Variants in CETP observed in about 807,000 individuals in gnomAD.
CETP encodes BPI fold containing family F.
A neutral mutation model predicts 66.5 loss-of-function variants in CETP; 56 were observed. The observed-to-expected ratio is 0.84, with a 90% CI of 0.68 to 1.05. CETP has a LOEUF of 1.05. Among genes scored for constraint, CETP ranks in the 50% least tolerant of loss-of-function variants. The pLI, the probability that CETP is intolerant of heterozygous loss-of-function variation, is 0.00. For synonymous variants in CETP, 251 were observed against 245.7 expected, an observed-to-expected ratio of 1.02 and a Z score of -0.20; for missense variants, 612 against 609.6, an observed-to-expected ratio of 1.00 and a Z score of -0.04.
At chr16:56,973,180 G>A in intron 8 of CETP, 151 bp from the exon 9 acceptor site, 1 of 774,500 alleles carries the variant, frequency 1.3e-6, no homozygotes, top group Non-Finnish European at 2.1e-6. Context: ...ATGAGTGAAA[G>A]CCCCGCTGGG....
intron 2 of CETP, among the ~76,000 whole-genome samples, chr16:56,963,891 A>T (rs554214468): frequency 6.6e-6 from 1 of 151,426 alleles, no homozygotes; most frequent in Admixed American, 6.6e-5. Context: ...CTGGTCTCCA[A>T]CTCCTGACCT....
intron 10 of CETP, among the ~76,000 whole-genome samples, chr16:56,975,453 C>T (rs1461160906): frequency 6.6e-6 from 1 of 152,200 alleles, no homozygotes; most frequent in Non-Finnish European, 1.5e-5. Context: ...GGCTCCATTC[C>T]CTGCTCCATT....
chr16:56,979,855 A>G (rs2056175925), intron 11 of CETP, among the ~76,000 whole-genome samples: 2 of 152,190 alleles, frequency 1.3e-5, no homozygotes, highest in African/African-American at 4.8e-5. Flanking sequence ...ATACAATCAC[A>G]TTGTGGAAAA....
intron 2 of CETP, among the ~76,000 whole-genome samples, chr16:56,967,752 T>G (rs1420597455): frequency 2.0e-5 from 3 of 151,854 alleles, no homozygotes; most frequent in Non-Finnish European, 2.9e-5. Flanking sequence ...ATTAGAGCAT[T>G]TAGAATAATG....
At chr16:56,963,470 A>G (rs769557471) in intron 2 of CETP, among the ~76,000 whole-genome samples, 15 of 152,120 alleles carry the variant, frequency 9.9e-5, no homozygotes, top group Non-Finnish European at 1.5e-4. Flanking sequence ...AAAATGTATA[A>G]ATGTTGTTTT....
chr16:56,969,876 C>CGGAG, intron 4 of CETP, 38 bp from the exon 5 acceptor site: 1 of 1,603,752 alleles, frequency 6.2e-7, no homozygotes, highest in Non-Finnish European at 8.5e-7. Flanking sequence ...CATCTGATAG[C>CGGAG]GGAGGCTGCC....
At position 56,962,275 on chromosome 16, in the gene CETP, G is replaced by A. The variant is rs768121084; in HGVS notation, c.118+178G>A. The A allele has an allele frequency of 3.1e-5, 23 of 740,762 alleles. No individual in the cohort carries two copies. In the Admixed American group the frequency reaches 3.3e-4, roughly 10 times the overall value. 45.9% of individuals were successfully genotyped at this position (740,762 alleles called of 1,614,324 possible). On this transcript the variant is annotated intron_variant, in intron 1 of 15. Coordinates refer to ENST00000200676, the MANE Select transcript of CETP (RefSeq NM_000078.3). ...GCTGTCATCACCCCCTCCTGACCTC[G>A]CCTTCAAGGTCAAGTTCTTTGGTGA...
chr16:56,982,110 T>G (rs1173219183), intron 13 of CETP, 55 bp from the exon 14 acceptor site: 1 of 1,531,006 alleles, frequency 6.5e-7, no homozygotes, highest in East Asian at 2.3e-5. Context: ...AGCATCTGCC[T>G]TGTGGGTCAC....
intron 7 of CETP, 112 bp downstream of exon 7, chr16:56,971,493 C>A (rs2056110119): frequency 2.2e-6 from 2 of 927,118 alleles, no homozygotes; most frequent in Non-Finnish European, 3.5e-6. Flanking sequence ...GTCCCATGGG[C>A]TCTATCTGGC....
rs745717730 is a variant in CETP, at chr16:56,978,106, C to T, written c.997C>T (p.Pro333Ser). ...EIFQEVVGGF[P>S]SQAQVTVHCL... ...TCTTCCACAGGTTGTCGGCGGCTTC[C>T]CCAGCCAGGCCCAAGTCACCGTCCA... is the stretch of plus-strand genomic sequence containing the variant. The change falls in exon 11 of 16, where the codon CCC becomes TCC. Residue 333 changes from proline (P) to serine (S), a missense_variant. By Grantham distance (74) the Pro-to-Ser change is moderately conservative (BLOSUM62 -1). Transcript: ENST00000200676. 6.2e-7 allele frequency: 1 copy of T among 1,614,202 alleles called. No individual in the cohort carries two copies. Among genetic ancestry groups the T allele is most frequent in the South Asian group, 1.1e-5 (1 of 91,084 alleles).
At chr16:56,982,074 A>G in intron 13 of CETP, 91 bp from the exon 14 acceptor site, 1 of 1,192,172 alleles carries the variant, frequency 8.4e-7, no homozygotes, top group Non-Finnish European at 1.3e-6. Flanking sequence ...GATGGGCATG[A>G]GGATGAATGC....
At chr16:56,972,402 G>A (rs528990985) in intron 8 of CETP, among the ~76,000 whole-genome samples, 1 of 152,294 alleles carries the variant, frequency 6.6e-6, no homozygotes, top group East Asian at 1.9e-4. Context: ...CCCCCAGGGG[G>A]TACTGACAAA....
In CETP at chr16:56,974,025, G is replaced by A. The variant is rs58058958; in HGVS notation, c.930+515G>A. Reference sequence around the variant, plus strand: ...GATAACATAACTGGTTAGGTCAGGGGTCCATCTTTAACTACCAGGCTTAGG... The same window carrying A: ...GATAACATAACTGGTTAGGTCAGGGATCCATCTTTAACTACCAGGCTTAGG... On this transcript the variant is annotated intron_variant, in intron 9 of 15. Coordinates refer to ENST00000200676, the MANE Select transcript of CETP (RefSeq NM_000078.3). Among the ~76,000 whole-genome samples, 19 of 152,316 alleles carry A rather than the reference G, an allele frequency of 1.2e-4. No homozygotes were observed. The East Asian group carries it at 3.5e-3, about 28-fold the overall frequency.
chr16:56,981,168 C>T lies in CETP; in HGVS notation c.1157C>T (p.Thr386Ile). The change falls in exon 12 of 16, where the codon ACT becomes ATT. Residue 386 changes from threonine (T) to isoleucine (I), a missense_variant. Transcript: ENST00000200676. The part of the protein sequence containing the change: ...VAYTFEEDIV[T>I]TVQASYSKKK... ...GGTTTCTCTCCCCAGGATATCGTGACTACCGTCCAGGCCTCCTATTCTAAG... is the reference window on the plus strand; with the variant it reads ...GGTTTCTCTCCCCAGGATATCGTGATTACCGTCCAGGCCTCCTATTCTAAG... 3 of 1,613,500 alleles carry T rather than the reference C, an allele frequency of 1.9e-6. No individual in the cohort carries two copies. The highest frequency in any genetic ancestry group is 1.6e-4 in the Middle Eastern group (1 of 6,062).
chr16:56,963,042 G>A lies in CETP; in HGVS notation c.151G>A (p.Ala51Thr), dbSNP rs549487844. Residue 51 changes from alanine (A) to threonine (T), a missense_variant, in exon 2 of 16, where the codon GCC (alanine) becomes ACC (threonine). By Grantham distance (58) the Ala-to-Thr change is moderately conservative. Transcript: ENST00000200676. ...CGAGACTGCCAAGGTGATCCAGACC[G>A]CCTTCCAGCGAGCCAGCTACCCAGA... Reference protein sequence around the residue: ...NHETAKVIQTAFQRASYPDIT... With the variant: ...NHETAKVIQTTFQRASYPDIT... The A allele has an allele frequency of 8.7e-6, 14 of 1,614,126 alleles. No homozygotes were observed. Among genetic ancestry groups the A allele is most frequent in the African/African-American group, 5.3e-5 (4 of 75,046 alleles).
intron 11 of CETP, among the ~76,000 whole-genome samples, chr16:56,979,449 T>G (rs1192992813): frequency 2.0e-5 from 3 of 152,230 alleles, no homozygotes; most frequent in Non-Finnish European, 4.4e-5. Flanking sequence ...AGATCCTGTT[T>G]GATTTTATAA....
intron 10 of CETP, among the ~76,000 whole-genome samples, chr16:56,976,657 C>G (rs1277871793): frequency 1.3e-5 from 2 of 151,926 alleles, no homozygotes; most frequent in Non-Finnish European, 2.9e-5. Flanking sequence ...TCATCACTCT[C>G]TCTTCCATGA....
Position 56,981,188 on chromosome 16 carries a change from T to C in CETP, c.1177T>C (p.Ser393Pro), listed in dbSNP as rs2056184688. ...CGTGACTACCGTCCAGGCCTCCTAT[T>C]CTAAGAAAAAGCTCTTCTTAAGCCT... ...DIVTTVQASY[S>P]KKKLFLSLLD... is the part of the protein sequence containing the mutation. The change falls in exon 12 of 16, where the codon TCT (serine) becomes CCT (proline). Residue 393 changes from serine (S) to proline (P), a missense_variant. Coordinates refer to ENST00000200676, the MANE Select transcript of CETP (RefSeq NM_000078.3). 6.2e-7 allele frequency: 1 copy of C among 1,613,920 alleles called. No homozygotes were observed. Among genetic ancestry groups the C allele is most frequent in the Non-Finnish European group, 8.5e-7 (1 of 1,179,764 alleles).
intron 2 of CETP, among the ~76,000 whole-genome samples, chr16:56,966,768 CT>C (rs35404403): frequency 0.31 from 43,068 of 138,268 alleles, 7,715 homozygotes; most frequent in African/African-American, 0.52. Flanking sequence ...CCCGGCTAAT[CT>C]TTTTTTTTTT....
Sources: gnomAD v4.1 joint callset for allele counts (sites outside exome capture counted in the v4.1 genomes callset) on GRCh38, gnomAD v4.1.1 for gene constraint, MANE v1.5 for transcripts, NCBI Gene and HGNC (gene_info 2026-07-23, HGNC 2026-07-21) for gene names.